GPC5: variants seen among roughly 807,000 people sequenced by gnomAD.
GPC5 encodes glypican-5.
Under a neutral mutation model 53.9 loss-of-function variants are expected in GPC5, and 47 were observed. That is an observed-to-expected ratio of 0.87 (90% CI 0.69 to 1.11). The LOEUF (loss-of-function observed/expected upper bound fraction) is 1.11, where lower values mean the gene tolerates loss of function less well. Among genes scored for constraint, GPC5 ranks in the 50% most tolerant of loss-of-function variants. The pLI is 0.00. For missense variants in GPC5, 748 were observed against 713.1 expected, an observed-to-expected ratio of 1.05 and a Z score of -0.56; for synonymous variants, 286 against 263.3, an observed-to-expected ratio of 1.09 and a Z score of -0.84.
intron 7 of GPC5, chr13:92,240,888 G>A (rs2042607215): frequency 6.6e-6 from 1 of 152,070 alleles, no homozygotes; most frequent in South Asian, 2.1e-4. Flanking sequence ...AAAAAATGGA[G>A]GAGACTTGGA....
chr13:92,493,824 T>G (rs1335101555), intron 7 of GPC5, among the ~76,000 whole-genome samples: 1 of 152,180 alleles, frequency 6.6e-6, no homozygotes, highest in Non-Finnish European at 1.5e-5. Context: ...TACCCTCACC[T>G]GCAATGTAGG....
chr13:91,979,284 G>A (rs2040336104), intron 6 of GPC5, among the ~76,000 whole-genome samples: 1 of 152,076 alleles, frequency 6.6e-6, no homozygotes, highest in African/African-American at 2.4e-5. Context: ...GTTCAGATAG[G>A]TGTCCCAGAG....
chr13:92,623,075 A>G (rs1465077616), intron 7 of GPC5, among the ~76,000 whole-genome samples: 7 of 151,918 alleles, frequency 4.6e-5, no homozygotes, highest in Non-Finnish European at 1.0e-4. Context: ...CTGTGGTGGG[A>G]GGATGGCTTG....
intron 7 of GPC5, among the ~76,000 whole-genome samples, chr13:92,485,522 TTC>T (rs1354259729): frequency 6.6e-6 from 1 of 152,206 alleles, no homozygotes; most frequent in Admixed American, 6.5e-5. Context: ...CTTATATTTC[TTC>T]TGTTTCAATC....
intron 5 of GPC5, among the ~76,000 whole-genome samples, chr13:91,855,074 A>G (rs946272255): frequency 6.6e-6 from 1 of 151,824 alleles, no homozygotes; most frequent in African/African-American, 2.4e-5. Flanking sequence ...ACTATTTTAA[A>G]AAGATACTCA....
intron 7 of GPC5, among the ~76,000 whole-genome samples, chr13:92,480,193 G>A (rs1879295395): frequency 6.6e-6 from 1 of 152,124 alleles, no homozygotes; most frequent in Admixed American, 6.6e-5. Context: ...ACAGTAGGGG[G>A]ATTTTAGCAA....
intron 6 of GPC5, among the ~76,000 whole-genome samples, chr13:92,056,011 AT>A (rs1160659476): frequency 6.6e-6 from 1 of 152,222 alleles, no homozygotes; most frequent in Non-Finnish European, 1.5e-5. Context: ...ATCATTAAAA[AT>A]AATCATAAAC....
At chr13:92,133,179 T>A (rs1431255648) in intron 6 of GPC5, among the ~76,000 whole-genome samples, 37 of 152,292 alleles carry the variant, frequency 2.4e-4, no homozygotes, top group Non-Finnish European at 2.9e-5. Context: ...TTCTAGAATA[T>A]TTAGCAAAAG....
chr13:92,392,081 G>A (rs1355946775), intron 7 of GPC5, among the ~76,000 whole-genome samples: 1 of 152,142 alleles, frequency 6.6e-6, no homozygotes, highest in Non-Finnish European at 1.5e-5. Flanking sequence ...ACCAAAATTG[G>A]CAAAAAATTA....
chr13:92,693,107 CA>C (rs1887461464), intron 7 of GPC5, among the ~76,000 whole-genome samples: 1 of 152,094 alleles, frequency 6.6e-6, no homozygotes, highest in South Asian at 2.1e-4. Flanking sequence ...CACCTTCCAC[CA>C]TGATTGTAAG....
In GPC5 at chr13:91,991,142, C is replaced by A. The variant is rs77542124; in HGVS notation, c.1401+83085C>A. Among the ~76,000 whole-genome samples the A allele has an allele frequency of 5.3e-5, 8 of 152,280 alleles. No homozygotes were observed. The East Asian group carries it at 1.4e-3, about 26-fold the overall frequency. ...CTAATGAAGACACAACTATGATGAT[C>A]GTACACAATGGCTTCCACTTGCTAT... On this transcript the variant is annotated intron_variant, in intron 6 of 7. Coordinates refer to ENST00000377067, the MANE Select transcript of GPC5 (RefSeq NM_004466.6).
chr13:92,226,081 G>A (rs542156991), intron 7 of GPC5, among the ~76,000 whole-genome samples: 6 of 152,238 alleles, frequency 3.9e-5, no homozygotes, highest in South Asian at 2.1e-4. Flanking sequence ...GATGGCTTAA[G>A]AGTGTGGCAC....
intron 5 of GPC5, among the ~76,000 whole-genome samples, chr13:91,849,970 G>T (rs3934288): frequency 6.6e-6 from 1 of 152,178 alleles, no homozygotes; most frequent in Admixed American, 6.5e-5. Context: ...TCACAGACTA[G>T]AGGCAAAGAT....
At chr13:91,896,687 C>G (rs2039445992) in intron 5 of GPC5, among the ~76,000 whole-genome samples, 4 of 152,060 alleles carry the variant, frequency 2.6e-5, no homozygotes. Flanking sequence ...TATTTAGACT[C>G]CAGAGGTCTT....
In GPC5 at chr13:91,537,879, A is replaced by T. The variant is rs1328386016; in HGVS notation, c.325+88957A>T. ...ATCTATCAGTTCAACTCGTAGATAC[A>T]TACACAGGAGAATTGAAAACGTATA... On this transcript the variant is annotated intron_variant, in intron 2 of 7. Transcript: ENST00000377067. Among the ~76,000 whole-genome samples, 3 of 152,228 alleles carry T rather than the reference A, an allele frequency of 2.0e-5. No homozygotes were observed. The East Asian group carries it at 5.8e-4, about 29-fold the overall frequency.
At chr13:92,846,375 T>A (rs1878612400) in intron 7 of GPC5, among the ~76,000 whole-genome samples, 1 of 152,176 alleles carries the variant, frequency 6.6e-6, no homozygotes, top group African/African-American at 2.4e-5. Flanking sequence ...ATAATCATAT[T>A]ACATAGAAAG....
chr13:92,529,110 A>AT (rs1290031992), intron 7 of GPC5, among the ~76,000 whole-genome samples: 1 of 152,170 alleles, frequency 6.6e-6, no homozygotes, highest in African/African-American at 2.4e-5. Flanking sequence ...AGAATACTTC[A>AT]TAAAAAAACA....
chr13:92,756,478 C>A (rs1373347961), intron 7 of GPC5, among the ~76,000 whole-genome samples: 2 of 151,862 alleles, frequency 1.3e-5, no homozygotes, highest in Non-Finnish European at 2.9e-5. Context: ...AAGTTCTGGC[C>A]AGGGCAATCA....
intron 7 of GPC5, among the ~76,000 whole-genome samples, chr13:92,863,349 C>T (rs1304721772): frequency 3.9e-5 from 6 of 152,078 alleles, no homozygotes; most frequent in Non-Finnish European, 7.4e-5. Context: ...CTATTTTATG[C>T]GACTGTTGTG....
Sources: gnomAD v4.1 joint callset for allele counts (sites outside exome capture counted in the v4.1 genomes callset) on GRCh38, gnomAD v4.1.1 for gene constraint, MANE v1.5 for transcripts, NCBI Gene and HGNC (gene_info 2026-07-23, HGNC 2026-07-21) for gene names.